SPATA13: variants seen among roughly 807,000 people sequenced by gnomAD.
SPATA13 encodes the protein spermatogenesis-associated protein 13.
Under a neutral mutation model 104.0 loss-of-function variants are expected in SPATA13, and 50 were observed. The ratio of observed to expected loss-of-function variants is 0.48; its 90% CI spans 0.38 to 0.61. The LOEUF (loss-of-function observed/expected upper bound fraction) is 0.61. SPATA13 is among the 20% of genes least tolerant of loss of function. The probability of loss-of-function intolerance (pLI) is 0.00; values close to 1 mark genes in which losing one functional copy is unlikely to be tolerated. For missense variants in SPATA13, 1,524 were observed against 1,690.6 expected (o/e 0.90, Z 1.73); for synonymous variants, 606 against 667.5 (o/e 0.91, Z 1.42).
At position 24,223,931 on chromosome 13, in the gene SPATA13, G is replaced by T. The variant is rs1228659257; in HGVS notation, c.1002G>T (p.Arg334Ser). Residue 334 changes from arginine to serine, a missense_variant, in exon 2 of 13, where the codon AGG becomes AGT. By Grantham distance (110) the Arg-to-Ser change is moderately radical (BLOSUM62 -1). Around this residue, in one of 2 missense-constraint regions of SPATA13, gnomAD observed 1,089 missense variants for 1,135.9 expected, o/e 0.96. Transcript: ENST00000382108. ...ATGTGACTGAGGCTGCCTGGAGGAG[G>T]GAGAGTCCTAGGAGTGGGGCCCCAT... ...VSNVTEAAWR[R>S]ESPRSGAPSP... is the part of the protein sequence containing the mutation. 1.9e-6 allele frequency: 3 copies of T among 1,551,446 alleles called. No individual in the cohort carries two copies. The highest frequency in any genetic ancestry group is 2.7e-5 in the African/African-American group (2 of 73,180).
intron 3 of SPATA13, among the ~76,000 whole-genome samples, chr13:24,040,069 T>C (rs1450569208): frequency 2.0e-5 from 3 of 152,226 alleles, no homozygotes; most frequent in Admixed American, 2.0e-4. Context: ...CAGATGATCA[T>C]TTTAAGTAGC....
intron 1 of SPATA13, among the ~76,000 whole-genome samples, chr13:24,204,167 C>T (rs766861350): frequency 1.3e-5 from 2 of 152,078 alleles, no homozygotes; most frequent in African/African-American, 4.8e-5. Flanking sequence ...GAGGCTAACC[C>T]GAATGCCTGT....
At chr13:24,010,392 A>G (rs1462857790) in intron 2 of SPATA13, among the ~76,000 whole-genome samples, 1 of 151,812 alleles carries the variant, frequency 6.6e-6, no homozygotes, top group Non-Finnish European at 1.5e-5. Context: ...GAAATTCAGC[A>G]GAATTGTTTT....
At chr13:23,980,985 A>G (rs1356034325) in intron 1 of SPATA13, among the ~76,000 whole-genome samples, 2 of 152,204 alleles carry the variant, frequency 1.3e-5, no homozygotes, top group Non-Finnish European at 2.9e-5. Context: ...AAAGTAAAGT[A>G]CAGAACCAGA....
intron 3 of SPATA13, among the ~76,000 whole-genome samples, chr13:24,028,435 T>G (rs1877333115): frequency 6.6e-6 from 1 of 152,220 alleles, no homozygotes; most frequent in Admixed American, 6.5e-5. Context: ...CTCCTAGTAC[T>G]TTACAGATAA....
chr13:24,209,739 C>T (rs1046894385), intron 1 of SPATA13, among the ~76,000 whole-genome samples: 4 of 151,800 alleles, frequency 2.6e-5, no homozygotes, highest in African/African-American at 7.3e-5. Context: ...GGGGTGTAGA[C>T]GTCTTTTTGA....
intron 3 of SPATA13, among the ~76,000 whole-genome samples, chr13:24,035,501 G>A (rs988579526): frequency 1.3e-5 from 2 of 152,146 alleles, no homozygotes; most frequent in African/African-American, 4.8e-5. Flanking sequence ...ATGGAGACTT[G>A]GAACAGAATG....
At position 23,983,017 on chromosome 13, in the gene SPATA13, G is replaced by C. The variant is rs145429428; in HGVS notation, c.-353-710G>C. ...CAGTGAAAGGAGGAGCTGGAGAGGGGCTCCCTGGAGCAAAATGAAGTGAGA... is the reference window on the plus strand; with the variant it reads ...CAGTGAAAGGAGGAGCTGGAGAGGGCCTCCCTGGAGCAAAATGAAGTGAGA... On this transcript the variant is annotated intron_variant, in intron 1 of 14. Coordinates refer to the SPATA13 transcript ENST00000424834. 9.8e-5 allele frequency among the ~76,000 whole-genome samples: 15 copies of C among 152,346 alleles called. No homozygotes were observed. The Middle Eastern group carries it at 0.01, about 104-fold the overall frequency.
At chr13:24,174,915 G>A (rs1221012104) in intron 1 of SPATA13, among the ~76,000 whole-genome samples, 1 of 152,204 alleles carries the variant, frequency 6.6e-6, no homozygotes, top group Non-Finnish European at 1.5e-5. Context: ...TTGACTTGTG[G>A]ATTATTTAGA....
chr13:24,083,225 C>T (rs1044441314), intron 3 of SPATA13, among the ~76,000 whole-genome samples: 4 of 152,192 alleles, frequency 2.6e-5, no homozygotes, highest in Admixed American at 2.0e-4. Flanking sequence ...CCCCCTAGGG[C>T]AATAGAATAG....
upstream of SPATA13, among the ~76,000 whole-genome samples, chr13:24,157,729 C>G (rs980753994): frequency 6.6e-6 from 1 of 152,092 alleles, no homozygotes; most frequent in African/African-American, 2.4e-5. Flanking sequence ...CTTGAGAAAC[C>G]CCTGCTGAAT....
chr13:24,132,742 G>A (rs1317545865), intron 3 of SPATA13, among the ~76,000 whole-genome samples: 3 of 152,156 alleles, frequency 2.0e-5, no homozygotes, highest in Non-Finnish European at 2.9e-5. Context: ...GGGAGGCCAA[G>A]GCAGGTGGAT....
chr13:24,070,227 G>C (rs558412447), intron 3 of SPATA13, among the ~76,000 whole-genome samples: 1 of 152,148 alleles, frequency 6.6e-6, no homozygotes, highest in Non-Finnish European at 1.5e-5. Flanking sequence ...ATCCAAATTG[G>C]TTTGCACGGT....
chr13:24,013,169 G>A (rs1395402071), intron 2 of SPATA13, among the ~76,000 whole-genome samples: 2 of 152,210 alleles, frequency 1.3e-5, no homozygotes, highest in Non-Finnish European at 2.9e-5. Flanking sequence ...ACTGAAACGG[G>A]CTTAGAGCTC....
At chr13:24,280,858 A>T (rs1460255150) in intron 4 of SPATA13, among the ~76,000 whole-genome samples, 3 of 152,058 alleles carry the variant, frequency 2.0e-5, no homozygotes, top group Non-Finnish European at 4.4e-5. Context: ...AGACTAGGTG[A>T]CCTCCTGCTC....
At position 24,286,233 on chromosome 13, in the gene SPATA13, T is replaced by G. The variant is rs774702277; in HGVS notation, c.2321T>G (p.Val774Gly). Residue 774 changes from valine to glycine, a missense_variant, in exon 6 of 13, where the codon GTG (valine) becomes GGG (glycine). Transcript: ENST00000382108. This position sits in a 1 kb window ranked among gnomAD's most constrained non-coding sequence, Gnocchi z 4.9. ...AINELISDGN[V>G]VCAEALWDHV... The stretch of plus-strand genomic sequence containing the variant: ...TTTCAGCTGATCAGTGATGGCAACG[T>G]GGTCTGCGCAGAAGCCCTGTGGGAC... The G allele has an allele frequency of 6.2e-6, 10 of 1,612,704 alleles. No individual in the cohort carries two copies. Among genetic ancestry groups the G allele is most frequent in the Non-Finnish European group, 8.5e-6 (10 of 1,179,326 alleles).
At chr13:24,125,505 C>T (rs1018149364) in intron 3 of SPATA13, among the ~76,000 whole-genome samples, 2 of 152,070 alleles carry the variant, frequency 1.3e-5, no homozygotes, top group East Asian at 1.9e-4. Context: ...CTTCAGGGGT[C>T]GTATGGACCA....
At chr13:24,247,711 G>A (rs1873227903) in intron 2 of SPATA13, among the ~76,000 whole-genome samples, 1 of 151,998 alleles carries the variant, frequency 6.6e-6, no homozygotes, top group Admixed American at 6.6e-5. Context: ...TCAAACTCCT[G>A]ATCTCAAGTG....
At chr13:24,164,313 G>A (rs1375405080) in intron 1 of SPATA13, among the ~76,000 whole-genome samples, 1 of 152,188 alleles carries the variant, frequency 6.6e-6, no homozygotes, top group East Asian at 1.9e-4. Flanking sequence ...GACTCCCACT[G>A]AGCCCCCTTG....
Sources: allele counts gnomAD v4.1 joint callset (sites outside exome capture counted in the v4.1 genomes callset), GRCh38; gene constraint gnomAD v4.1.1; regional missense constraint gnomAD v4.1.1; non-coding constraint Gnocchi (gnomAD v3.1); transcripts MANE v1.5; gene names NCBI Gene and HGNC (gene_info 2026-07-23, HGNC 2026-07-21).